Variants in CEP85L observed in about 807,000 individuals in gnomAD.
The protein encoded by CEP85L is centrosomal protein 85L.
In CEP85L, 60 loss-of-function variants were observed where a neutral mutation model predicts 100.3. The observed-to-expected ratio is 0.60, with a 90% CI of 0.49 to 0.74. CEP85L has a LOEUF of 0.74. Among genes scored for constraint, CEP85L ranks in the 30% least tolerant of loss-of-function variants. CEP85L has a pLI of 0.00. For synonymous variants in CEP85L, 319 were observed against 322.7 expected, an observed-to-expected ratio of 0.99 and a Z score of 0.12; for missense variants, 973 against 936.2, an observed-to-expected ratio of 1.04 and a Z score of -0.51.
In CEP85L at chr6:118,640,448, T is replaced by C. The variant is rs142679197; in HGVS notation, c.74-7837A>G. ...CTCTCTGTGCCTCAATTTCTTCATA[T>C]GTAAGAGAAGAAAAAAATTATAGAA... is the stretch of plus-strand genomic sequence containing the variant. On this transcript the variant is annotated intron_variant, in intron 1 of 12. Coordinates refer to ENST00000368491, the MANE Select transcript of CEP85L (RefSeq NM_001042475.3). 3.7e-3 allele frequency among the ~76,000 whole-genome samples: 565 copies of C among 152,276 alleles called. 3 individuals are homozygous for C. The highest frequency in any genetic ancestry group is 0.013 in the African/African-American group (539 of 41,518).
At chr6:118,673,458 T>C (rs114492682) in intron 1 of CEP85L, among the ~76,000 whole-genome samples, 1 of 152,156 alleles carries the variant, frequency 6.6e-6, no homozygotes, top group African/African-American at 2.4e-5. Context: ...CTGTAGAAAG[T>C]CCAGTAAAGA....
chr6:118,604,686 TA>T (rs1477630058), intron 2 of CEP85L, among the ~76,000 whole-genome samples: 2 of 152,188 alleles, frequency 1.3e-5, no homozygotes, highest in African/African-American at 4.8e-5. Flanking sequence ...CCAGCATAGC[TA>T]GGGGGCATGG....
rs1242766668 is a variant in CEP85L at position 118,483,729 on chromosome 6, C to G, written c.1567G>C (p.Asp523His). The change falls in exon 7 of 13, where the codon GAT becomes CAT. Residue 523 changes from aspartate (D) to histidine (H), a missense_variant. Transcript: ENST00000368491. The stretch of plus-strand genomic sequence containing the variant: ...ACCTGTAGACTCTGACTCTGTACAT[C>G]ATCTAGAGTTGGAAGATCAGCCAGA... ...KYLADLPTLD[D>H]VQSQSLQLQI... is the part of the protein sequence containing the mutation. The G allele has an allele frequency of 1.9e-6, 3 of 1,613,416 alleles. No homozygotes were observed. The Admixed American group carries it at 5.0e-5, about 27-fold the overall frequency.
chr6:118,483,564 A>T, intron 7 of CEP85L, 142 bp downstream of exon 7: 1 of 674,582 alleles, frequency 1.5e-6, no homozygotes, highest in Non-Finnish European at 2.5e-6. Flanking sequence ...ATGCATGCTT[A>T]GATAAACAAA....
At chr6:118,670,022 A>T (rs868376561) in intron 1 of CEP85L, among the ~76,000 whole-genome samples, 1 of 151,354 alleles carries the variant, frequency 6.6e-6, no homozygotes, top group South Asian at 2.1e-4. Context: ...AAATAGAATT[A>T]TGGATGTGGT....
chr6:118,680,306 C>CTTTTTTTTT (rs57764027), intron 1 of CEP85L, among the ~76,000 whole-genome samples: 1 of 56,172 alleles, frequency 1.8e-5, no homozygotes, highest in Non-Finnish European at 3.4e-5. Flanking sequence ...CTTGGTGTTG[C>CTTTTTTTTT]TTTTTTTTTT....
At chr6:118,645,741 G>C (rs968823463) in intron 1 of CEP85L, among the ~76,000 whole-genome samples, 2 of 152,152 alleles carry the variant, frequency 1.3e-5, no homozygotes, top group African/African-American at 2.4e-5. Flanking sequence ...ACAAGCCTCC[G>C]TAGAGCAAGA....
chr6:118,588,068 C>A (rs1035260934), intron 2 of CEP85L, among the ~76,000 whole-genome samples: 12 of 152,166 alleles, frequency 7.9e-5, no homozygotes, highest in African/African-American at 2.9e-4. Context: ...TAAATTCTAC[C>A]AAGATGACAG....
At chr6:118,649,772 A>G (rs908784096) in intron 1 of CEP85L, among the ~76,000 whole-genome samples, 3 of 152,174 alleles carry the variant, frequency 2.0e-5, no homozygotes, top group Non-Finnish European at 4.4e-5. Context: ...GCTTTTTACT[A>G]AATTCATGCC....
In CEP85L at chr6:118,565,948, G is replaced by T. The variant is rs962954075; in HGVS notation, c.601C>A (p.Pro201Thr). 1 of 1,613,926 alleles carries T rather than the reference G, an allele frequency of 6.2e-7. No homozygotes were observed. Among genetic ancestry groups the T allele is most frequent in the African/African-American group, 1.3e-5 (1 of 74,888 alleles). Residue 201 changes from proline to threonine, a missense_variant, in exon 3 of 13, where the codon CCT becomes ACT. Pro to Thr is a conservative substitution (Grantham distance 38). Transcript: ENST00000368491. ...ALTSQLRTIG[P>T]SCLHDSMEML... ...TCCATACTATCATGTAAACAGCTAG[G>T]CCCAATTGTCCTCAGTTGTGATGTT...
chr6:118,688,163 G>A (rs757914912), intron 1 of CEP85L, among the ~76,000 whole-genome samples: 49 of 152,154 alleles, frequency 3.2e-4, no homozygotes, highest in Admixed American at 7.2e-4. Context: ...CACCACACCC[G>A]GCTAATTTTT....
chr6:118,571,580 G>A (rs986526797), intron 2 of CEP85L, among the ~76,000 whole-genome samples: 1 of 151,518 alleles, frequency 6.6e-6, no homozygotes, highest in African/African-American at 2.4e-5. Flanking sequence ...TTATATACAG[G>A]GATGGTATCT....
chr6:118,580,669 T>C (rs1350650375), intron 2 of CEP85L, among the ~76,000 whole-genome samples: 1 of 152,180 alleles, frequency 6.6e-6, no homozygotes, highest in African/African-American at 2.4e-5. Context: ...CAACTGAGCA[T>C]CTCTGGGCAG....
intron 2 of CEP85L, among the ~76,000 whole-genome samples, chr6:118,569,491 A>G (rs998717956): frequency 6.6e-6 from 1 of 151,022 alleles, no homozygotes; most frequent in African/African-American, 2.4e-5. Context: ...ATAAATAAAT[A>G]AAAATAAAAA....
intron 8 of CEP85L, among the ~76,000 whole-genome samples, chr6:118,480,749 C>A (rs1261920932): frequency 6.6e-6 from 1 of 152,076 alleles, no homozygotes; most frequent in African/African-American, 2.4e-5. Flanking sequence ...AGACCAGAGT[C>A]CAGAGTTGCT....
intron 4 of CEP85L, among the ~76,000 whole-genome samples, chr6:118,512,939 G>A (rs1296434766): frequency 6.6e-6 from 1 of 152,120 alleles, no homozygotes; most frequent in African/African-American, 2.4e-5. Flanking sequence ...AGCTAGAACT[G>A]ACAGAGATGT....
intron 1 of CEP85L, among the ~76,000 whole-genome samples, chr6:118,703,849 G>A (rs1224485562): frequency 6.6e-6 from 1 of 152,084 alleles, no homozygotes; most frequent in Non-Finnish European, 1.5e-5. Context: ...TATATTTAAT[G>A]TTATCTGTAT....
intron 2 of CEP85L, among the ~76,000 whole-genome samples, chr6:118,567,239 G>GTATATATA (rs1779585529): frequency 1.9e-5 from 1 of 53,326 alleles, no homozygotes; most frequent in Non-Finnish European, 3.6e-5. Flanking sequence ...GTGTGTGTGT[G>GTATATATA]TGTGTGTGTG....
chr6:118,658,069 C>T (rs1396504760), intron 1 of CEP85L, among the ~76,000 whole-genome samples: 1 of 152,054 alleles, frequency 6.6e-6, no homozygotes, highest in Admixed American at 6.6e-5. Context: ...CTTAAACAAT[C>T]CCTAGAGGAA....
Sources: gnomAD v4.1 joint callset for allele counts (sites outside exome capture counted in the v4.1 genomes callset) on GRCh38, gnomAD v4.1.1 for gene constraint, MANE v1.5 for transcripts, NCBI Gene and HGNC (gene_info 2026-07-23, HGNC 2026-07-21) for gene names.